Variants in STXBP6 observed in about 807,000 individuals in gnomAD.
STXBP6 encodes the protein syntaxin-binding protein 6.
A neutral mutation model predicts 26.9 loss-of-function variants in STXBP6; 21 were observed. That is an observed-to-expected ratio of 0.78 (90% confidence interval 0.55 to 1.12). The LOEUF (loss-of-function observed/expected upper bound fraction) is 1.12. Among genes scored for constraint, STXBP6 ranks in the 50% most tolerant of loss-of-function variants. The pLI is 0.00. For synonymous variants in STXBP6, 97 were observed against 92.6 expected (o/e 1.05, Z -0.27); for missense variants, 232 against 257.9 (o/e 0.90, Z 0.69).
At chr14:24,834,001 AT>A (rs918005167) in intron 4 of STXBP6, among the ~76,000 whole-genome samples, 9 of 149,692 alleles carry the variant, frequency 6.0e-5, no homozygotes, top group Middle Eastern at 3.4e-3. Context: ...TTGAAAACTC[AT>A]TTTTTTTTTC....
rs768793147 is a variant in STXBP6 at position 24,963,970 on chromosome 14, T to TAA, written c.154+10693_154+10694dup. On this transcript the variant is annotated intron_variant, in intron 2 of 5. Transcript: ENST00000323944. ...GTGTGTGTGAATAACAGCAAGTTTC[T>TAA]AAAAAAAAAAAAAAAAAAAAAAAAG... 1.1e-3 allele frequency among the ~76,000 whole-genome samples: 68 copies of TAA among 64,268 alleles called. 1 individual carries two copies. Among genetic ancestry groups the TAA allele is most frequent in the African/African-American group, 1.2e-3 (20 of 16,880 alleles). 42.2% of individuals were successfully genotyped at this position (64,268 alleles called of 152,430 possible).
chr14:25,032,783 CAGATAGATAAACAG>C (rs2075482793), intron 1 of STXBP6, among the ~76,000 whole-genome samples: 1 of 152,178 alleles, frequency 6.6e-6, no homozygotes. Flanking sequence ...GCTCATCATA[CAGATAGATAAACAG>C]AGGATCAGAA....
At chr14:24,845,460 A>T (rs931989500) in intron 4 of STXBP6, among the ~76,000 whole-genome samples, 1 of 152,248 alleles carries the variant, frequency 6.6e-6, no homozygotes, top group Non-Finnish European at 1.5e-5. Context: ...ATTACAGAAC[A>T]TGGCAAGCCC....
At chr14:24,988,164 A>G (rs890353086) in intron 1 of STXBP6, among the ~76,000 whole-genome samples, 2 of 152,240 alleles carry the variant, frequency 1.3e-5, no homozygotes, top group Admixed American at 1.3e-4. Context: ...GACTTCTAAG[A>G]GGACATTCAT....
chr14:24,973,551 A>C (rs1472132650), intron 2 of STXBP6, among the ~76,000 whole-genome samples: 1 of 151,734 alleles, frequency 6.6e-6, no homozygotes, highest in Non-Finnish European at 1.5e-5. Context: ...ATGCCTGGCT[A>C]ATTTTTTTAT....
At chr14:24,938,399 A>G (rs1316194782) in intron 2 of STXBP6, among the ~76,000 whole-genome samples, 1 of 152,104 alleles carries the variant, frequency 6.6e-6, no homozygotes, top group African/African-American at 2.4e-5. Flanking sequence ...TATAATACTT[A>G]ACCATGCTTC....
chr14:24,981,986 G>A (rs771830716), intron 1 of STXBP6, among the ~76,000 whole-genome samples: 17 of 152,184 alleles, frequency 1.1e-4, no homozygotes, highest in Admixed American at 2.0e-4. Flanking sequence ...GCAATTTTAT[G>A]TGTATATTTA....
chr14:24,970,166 G>C (rs761856120), intron 2 of STXBP6, among the ~76,000 whole-genome samples: 1 of 152,036 alleles, frequency 6.6e-6, no homozygotes, highest in Admixed American at 6.5e-5. Context: ...GCTTGAACCC[G>C]GGAGGTGGAG....
intron 2 of STXBP6, among the ~76,000 whole-genome samples, chr14:24,915,127 C>G (rs913849828): frequency 3.3e-5 from 5 of 152,142 alleles, no homozygotes; most frequent in Non-Finnish European, 5.9e-5. Context: ...TTACTGTCTA[C>G]ACAGGTCAGA....
chr14:24,871,074 T>C (rs565607807), intron 2 of STXBP6, among the ~76,000 whole-genome samples: 1 of 152,194 alleles, frequency 6.6e-6, no homozygotes, highest in Non-Finnish European at 1.5e-5. Context: ...TTTTTTTTTT[T>C]CTCTAGAAAC....
chr14:24,963,397 G>C (rs2073616903), intron 2 of STXBP6, among the ~76,000 whole-genome samples: 1 of 152,182 alleles, frequency 6.6e-6, no homozygotes, highest in Non-Finnish European at 1.5e-5. Context: ...ATGCTTCTCA[G>C]AGCAGTATAC....
chr14:24,891,908 C>G (rs183480335), intron 2 of STXBP6, among the ~76,000 whole-genome samples: 4 of 152,204 alleles, frequency 2.6e-5, no homozygotes, highest in Non-Finnish European at 4.4e-5. Flanking sequence ...CCTGCTCTTT[C>G]ACTTTTTGTT....
Position 24,981,602 on chromosome 14 carries a change from A to G in STXBP6, c.-32-6752T>C, listed in dbSNP as rs149296268. On this transcript the variant is annotated intron_variant, in intron 1 of 5. Coordinates refer to ENST00000323944, the MANE Select transcript of STXBP6 (RefSeq NM_001394410.1). ...ATGAAGGGTAAACTATGTCATTTTT[A>G]ACACACCCAATTGGTGCAAGGATTA... 3.4e-3 allele frequency among the ~76,000 whole-genome samples: 518 copies of G among 152,234 alleles called. 2 individuals carry two copies. The highest frequency in any genetic ancestry group is 6.8e-3 in the Middle Eastern group (2 of 294).
intron 1 of STXBP6, among the ~76,000 whole-genome samples, chr14:25,028,114 C>G (rs572394575): frequency 6.6e-6 from 1 of 152,158 alleles, no homozygotes. Flanking sequence ...GCAAGTTATG[C>G]GGATGATCTA....
intron 1 of STXBP6, among the ~76,000 whole-genome samples, chr14:25,007,092 G>A (rs1186733657): frequency 1.3e-5 from 2 of 152,200 alleles, no homozygotes; most frequent in Non-Finnish European, 2.9e-5. Flanking sequence ...ACATGCAAAT[G>A]ACCTGCTCTA....
chr14:24,929,666 A>G (rs192509202), intron 2 of STXBP6, among the ~76,000 whole-genome samples: 18 of 152,360 alleles, frequency 1.2e-4, no homozygotes, highest in Non-Finnish European at 8.8e-5. Context: ...AGATATTTTT[A>G]TATCAGTAAC....
At chr14:24,914,550 T>C (rs1280838354) in intron 2 of STXBP6, among the ~76,000 whole-genome samples, 1 of 152,128 alleles carries the variant, frequency 6.6e-6, no homozygotes, top group Non-Finnish European at 1.5e-5. Flanking sequence ...AAATAAAATA[T>C]CCATTTCCCC....
At chr14:24,822,918 C>T (rs1295882642) in intron 4 of STXBP6, among the ~76,000 whole-genome samples, 2 of 152,264 alleles carry the variant, frequency 1.3e-5, no homozygotes, top group South Asian at 4.2e-4. Flanking sequence ...GGATGCCTAA[C>T]TCAAAAGTTG....
chr14:24,951,583 A>C (rs751847099), intron 2 of STXBP6, among the ~76,000 whole-genome samples: 1 of 152,146 alleles, frequency 6.6e-6, no homozygotes, highest in Non-Finnish European at 1.5e-5. Flanking sequence ...CACAACTTCT[A>C]AAGTGCATGT....
Sources: allele counts gnomAD v4.1 joint callset (sites outside exome capture counted in the v4.1 genomes callset), GRCh38; gene constraint gnomAD v4.1.1; transcripts MANE v1.5; gene names NCBI Gene and HGNC (gene_info 2026-07-23, HGNC 2026-07-21).